The following KYAT3 variants were observed in gnomAD, a reference collection of about 807,000 sequenced individuals.
The protein encoded by KYAT3 is kynurenine--oxoglutarate transaminase 3.
In KYAT3, 50 loss-of-function variants were observed where a neutral mutation model predicts 59.0. The ratio of observed to expected loss-of-function variants is 0.85; its 90% CI spans 0.68 to 1.07. The LOEUF is 1.07. KYAT3 is among the 50% of genes least tolerant of loss of function. KYAT3 has a pLI of 0.00. For missense variants in KYAT3, 497 were observed against 533.3 expected, an observed-to-expected ratio of 0.93 and a Z score of 0.67; for synonymous variants, 148 against 177.0, an observed-to-expected ratio of 0.84 and a Z score of 1.30.
At chr1:88,922,216 T>C in the KYAT3 span, among the ~76,000 whole-genome samples, 1 of 151,732 alleles carries the variant, frequency 6.6e-6, no homozygotes, top group Non-Finnish European at 1.5e-5. Flanking sequence ...TGAGGCCCCC[T>C]CTCTCTCTAA....
At chr1:88,928,040 C>T in the KYAT3 span, among the ~76,000 whole-genome samples, 3 of 152,106 alleles carry the variant, frequency 2.0e-5, no homozygotes, top group Admixed American at 1.3e-4. Flanking sequence ...AGATTGGTGC[C>T]GCAGACATTT....
chr1:88,947,437 C>T (rs1457890277), intron 11 of KYAT3, among the ~76,000 whole-genome samples: 3 of 152,180 alleles, frequency 2.0e-5, no homozygotes, highest in African/African-American at 4.8e-5. Context: ...CACACCGGAA[C>T]CTAACTCTCC....
intron 2 of KYAT3, among the ~76,000 whole-genome samples, chr1:88,985,342 A>G (rs1336370141): frequency 4.6e-5 from 7 of 152,214 alleles, no homozygotes; most frequent in Admixed American, 4.6e-4. Flanking sequence ...AGAGTTGGAC[A>G]GTCAGGCTGA....
Position 88,968,659 on chromosome 1 carries a change from G to T in KYAT3, c.303+11C>A. On this transcript the variant is annotated intron_variant, in intron 4 of 13. Transcript: ENST00000260508. Reference sequence around the variant, plus strand: ...AAAAGCTCATGGCCCATATGGTCTTGATATACTTACAAAGCCTCGTGTATA... The same window carrying T: ...AAAAGCTCATGGCCCATATGGTCTTTATATACTTACAAAGCCTCGTGTATA... 6.4e-7 allele frequency: 1 copy of T among 1,550,858 alleles called. No individual in the cohort carries two copies.
At position 88,962,082 on chromosome 1, in the gene KYAT3, G is replaced by GT; in HGVS notation, c.516dup (p.Pro173ThrfsTer9). 6.2e-7 allele frequency: 1 copy of GT among 1,613,810 alleles called. No homozygotes were observed. Among genetic ancestry groups the GT allele is most frequent in the Non-Finnish European group, 8.5e-7 (1 of 1,179,776 alleles). ...ACAGATCTCAGGGGAATAAAAACAG[G>GT]TGTTGCTCCAGCCATTCTCACCATG... On this transcript the variant is annotated frameshift_variant, in exon 6 of 14. Transcript: ENST00000260508. LOFTEE classifies it high-confidence loss of function.
intron 13 of KYAT3, among the ~76,000 whole-genome samples, chr1:88,941,525 G>C (rs1228454132): frequency 7.6e-6 from 1 of 132,224 alleles, no homozygotes; most frequent in African/African-American, 2.6e-5. Flanking sequence ...AGCATTCTAG[G>C]CTGTTATTTT....
intron 13 of KYAT3, among the ~76,000 whole-genome samples, chr1:88,938,210 G>T (rs10158688): frequency 0.036 from 5,548 of 152,204 alleles, 273 homozygotes; most frequent in African/African-American, 0.11. Flanking sequence ...TTTAGGTTGA[G>T]AGCATTTAAA....
Position 88,991,062 on chromosome 1 carries a change from A to G in KYAT3, c.-2+1523T>C, listed in dbSNP as rs561678527. 3.9e-5 allele frequency among the ~76,000 whole-genome samples: 6 copies of G among 152,252 alleles called. No individual in the cohort carries two copies. In the East Asian group the frequency reaches 5.8e-4, roughly 15 times the overall value. On this transcript the variant is annotated intron_variant, in intron 1 of 13. Transcript: ENST00000260508. Reference sequence around the variant, plus strand: ...GATCTAATTATAGCATATTATGCATAAAGTCCATATTCCAAAACGCATGAT... The same window carrying G: ...GATCTAATTATAGCATATTATGCATGAAGTCCATATTCCAAAACGCATGAT...
intron 2 of KYAT3, chr1:88,979,649 A>G (rs555939897): frequency 6.6e-6 from 1 of 152,324 alleles, no homozygotes; most frequent in South Asian, 2.1e-4. Context: ...ACAATGAGAT[A>G]CCACTAGATT....
chr1:88,952,000 G>A (rs562019789), intron 10 of KYAT3, among the ~76,000 whole-genome samples: 3 of 152,212 alleles, frequency 2.0e-5, no homozygotes, highest in African/African-American at 7.2e-5. Context: ...ATGTGTTGAC[G>A]GAAGCAGAGG....
chr1:88,958,287 T>C (rs1314185751), intron 8 of KYAT3, among the ~76,000 whole-genome samples: 1 of 152,170 alleles, frequency 6.6e-6, no homozygotes, highest in Non-Finnish European at 1.5e-5. Flanking sequence ...GAGATCTTAG[T>C]AGCATGCTTG....
At chr1:88,979,646 G>C (rs1230556640) in intron 2 of KYAT3, 5 of 152,138 alleles carry the variant, frequency 3.3e-5, no homozygotes, top group Non-Finnish European at 7.3e-5. Context: ...ACCACAATGA[G>C]ATACCACTAG....
chr1:88,934,395 G>A (rs774175489), downstream of KYAT3, among the ~76,000 whole-genome samples: 5 of 152,096 alleles, frequency 3.3e-5, no homozygotes, highest in Non-Finnish European at 7.4e-5. Context: ...CAGAGGTTGC[G>A]GTGAGCTGAG....
intron 4 of KYAT3, 112 bp downstream of exon 4, chr1:88,968,558 G>C (rs907201313): frequency 1.7e-4 from 139 of 819,686 alleles, no homozygotes; most frequent in Admixed American, 2.2e-4. Context: ...TGGGACAGCT[G>C]GTCCCAGAAA....
chr1:88,934,517 T>C (rs1159146471), downstream of KYAT3, among the ~76,000 whole-genome samples: 2 of 152,122 alleles, frequency 1.3e-5, no homozygotes, highest in Non-Finnish European at 2.9e-5. Flanking sequence ...TAGGGGAACA[T>C]AGACTTATGT....
At chr1:88,950,121 A>C (rs1675613533) in intron 10 of KYAT3, among the ~76,000 whole-genome samples, 1 of 152,184 alleles carries the variant, frequency 6.6e-6, no homozygotes, top group Admixed American at 6.5e-5. Context: ...ACCAGACACC[A>C]AATCTGCTGG....
intron 12 of KYAT3, 121 bp downstream of exon 12, chr1:88,943,229 C>T (rs1207478622): frequency 1.0e-6 from 1 of 995,568 alleles, no homozygotes; most frequent in Non-Finnish European, 1.5e-6. Context: ...CTTTTAAAAG[C>T]CACAAGTGGA....
the KYAT3 span, among the ~76,000 whole-genome samples, chr1:88,929,590 G>C: frequency 1.3e-5 from 2 of 152,176 alleles, no homozygotes; most frequent in African/African-American, 4.8e-5. Context: ...CTTGTCCTTT[G>C]GTACGTGGTG....
At chr1:88,951,980 G>A (rs955446974) in intron 10 of KYAT3, among the ~76,000 whole-genome samples, 3 of 152,138 alleles carry the variant, frequency 2.0e-5, no homozygotes, top group African/African-American at 7.2e-5. Context: ...GAGGGTTGAA[G>A]CCACAGGAAA....
Sources: gnomAD v4.1 joint callset for allele counts (sites outside exome capture counted in the v4.1 genomes callset) on GRCh38, gnomAD v4.1.1 for gene constraint, MANE v1.5 for transcripts, NCBI Gene and HGNC (gene_info 2026-07-23, HGNC 2026-07-21) for gene names.